Variants in HTR3C observed in about 807,000 individuals in gnomAD.
The protein encoded by HTR3C is 5-HT3-C.
HTR3C carries 32 observed loss-of-function variants against 40.5 expected under a neutral mutation model. The ratio of observed to expected loss-of-function variants is 0.79; its 90% CI spans 0.60 to 1.06. The LOEUF is 1.06. Ranked by LOEUF, HTR3C falls within the 50% of genes least tolerant of loss-of-function variation. The pLI, the probability that HTR3C is intolerant of heterozygous loss-of-function variation, is 0.00. For missense variants in HTR3C, 523 were observed against 556.8 expected (o/e 0.94, Z 0.61); for synonymous variants, 209 against 217.1 (o/e 0.96, Z 0.33).
Position 184,060,402 on chromosome 3 carries a change from C to T in HTR3C, c.*50C>T, listed in dbSNP as rs1255534137. 4 of 1,609,280 alleles carry T rather than the reference C, an allele frequency of 2.5e-6. No individual in the cohort carries two copies. Among genetic ancestry groups the T allele is most frequent in the Non-Finnish European group, 3.4e-6 (4 of 1,175,856 alleles). ...ACAACAGCTTGGAGTTTCTGCTGGT[C>T]TTGGGCCAGCCGGACTCATTTTCCT... On this transcript the variant is annotated 3_prime_UTR_variant, in exon 9 of 9. Coordinates refer to ENST00000318351, the MANE Select transcript of HTR3C (RefSeq NM_130770.3).
chr3:184,053,263 T>C lies in HTR3C; in HGVS notation c.67+116T>C. The C allele has an allele frequency of 4.0e-6, 3 of 748,018 alleles. No homozygotes were observed. In the South Asian group the frequency reaches 4.7e-5, roughly 12 times the overall value. 46.3% of individuals were successfully genotyped at this position (748,018 alleles called of 1,614,324 possible). A position where few individuals can be genotyped will look rare whatever the true frequency, so the allele number is the denominator to read the frequency against. ...TGTGTTAAATATTTCTTCCATAATG[T>C]CTGTGTCCTGATTTCCTTTTGGTGA... On this transcript the variant is annotated intron_variant, in intron 1 of 8. Coordinates refer to ENST00000318351, the MANE Select transcript of HTR3C (RefSeq NM_130770.3).
chr3:184,055,445 G>A, intron 3 of HTR3C, 89 bp downstream of exon 3: 1 of 977,470 alleles, frequency 1.0e-6, no homozygotes, highest in South Asian at 1.3e-5. Flanking sequence ...CAGAAGCAGT[G>A]GCTCACGCCT....
intron 4 of HTR3C, 45 bp downstream of exon 4, chr3:184,056,331 G>C: frequency 1.5e-6 from 2 of 1,335,238 alleles, no homozygotes; most frequent in South Asian, 1.2e-5. Context: ...CTCATCTGCC[G>C]AGAACAGCCT....
chr3:184,059,323 A>T (rs1723393382), intron 6 of HTR3C, 113 bp from the exon 7 acceptor site: 1 of 882,436 alleles, frequency 1.1e-6, no homozygotes, highest in Non-Finnish European at 1.8e-6. Flanking sequence ...AGTGTTACTT[A>T]AAAAGATCGT....
At chr3:184,059,665 G>A (rs1467239384) in intron 7 of HTR3C, 25 bp downstream of exon 7, 2 of 1,612,912 alleles carry the variant, frequency 1.2e-6, no homozygotes, top group African/African-American at 1.3e-5. Context: ...ACTTTCAGGA[G>A]GAGAAAGGGC....
At chr3:184,055,208 A>C in intron 2 of HTR3C, 104 bp from the exon 3 acceptor site, 1 of 832,536 alleles carries the variant, frequency 1.2e-6, no homozygotes, top group Non-Finnish European at 2.1e-6. Context: ...AGCATCTACA[A>C]CAATGCCTGG....
In HTR3C at chr3:184,056,230, TA is replaced by T; in HGVS notation, c.336del (p.Lys112AsnfsTer5). The T allele has an allele frequency of 5.6e-6, 9 of 1,614,014 alleles. No homozygotes were observed. Among genetic ancestry groups the T allele is most frequent in the Non-Finnish European group, 7.6e-6 (9 of 1,179,900 alleles). ...WNPKECVGIN[K>X]LTVLAENLWL... The stretch of plus-strand genomic sequence containing the variant: ...ACCCAAAAGAGTGTGTTGGCATCAA[TA>T]AACTCACAGTATTAGCTGAAAACCT... On this transcript the variant is annotated frameshift_variant, in exon 4 of 9. Transcript: ENST00000318351. LOFTEE classifies it high-confidence loss of function.
intron 5 of HTR3C, 23 bp downstream of exon 5, chr3:184,057,067 G>T (rs1462604854): frequency 6.6e-7 from 1 of 1,526,388 alleles, no homozygotes. Context: ...CATTTTGGTA[G>T]CTGTTTAAGA....
At chr3:184,059,401 C>T (rs374654829) in intron 6 of HTR3C, 35 bp from the exon 7 acceptor site, 25 of 1,588,114 alleles carry the variant, frequency 1.6e-5, no homozygotes, top group Non-Finnish European at 1.9e-5. Context: ...CCTCTGACAT[C>T]TATTTATTTG....
At position 184,056,948 on chromosome 3, in the gene HTR3C, C is replaced by A. The variant is rs1253724457; in HGVS notation, c.463C>A (p.Pro155Thr). The change falls in exon 5 of 9, where the codon CCA (proline) becomes ACA (threonine). Residue 155 changes from proline to threonine, a missense_variant. By Grantham distance (38) the Pro-to-Thr change is conservative. Transcript: ENST00000318351. ...TGAAGGTCGAATTAAGTATGATAAG[C>A]CAATGAGGGTGACCAGCATCTGTAA... The part of the protein sequence containing the change: ...SSEGRIKYDK[P>T]MRVTSICNLD... 5.6e-6 allele frequency: 9 copies of A among 1,613,430 alleles called. No individual in the cohort carries two copies. Among genetic ancestry groups the A allele is most frequent in the Middle Eastern group, 1.6e-4 (1 of 6,080 alleles).
chr3:184,054,741 A>G lies in HTR3C; in HGVS notation c.88A>G (p.Ile30Val), dbSNP rs766506234. ...TATAGGAAGAGGCGACGCTTTTACC[A>G]TCAATTGCTCAGGCTTTGACCAGCA... Reference protein sequence around the residue: ...LLQGRGDAFTINCSGFDQHGV... With the variant: ...LLQGRGDAFTVNCSGFDQHGV... The change falls in exon 2 of 9, where the codon ATC becomes GTC. Residue 30 changes from isoleucine (I) to valine (V), a missense_variant. By Grantham distance (29) the Ile-to-Val change is conservative (BLOSUM62 3). Coordinates refer to ENST00000318351, the MANE Select transcript of HTR3C (RefSeq NM_130770.3). 6.2e-7 allele frequency: 1 copy of G among 1,602,290 alleles called. No homozygotes were observed. The highest frequency in any genetic ancestry group is 8.5e-7 in the Non-Finnish European group (1 of 1,175,584).
chr3:184,058,859 G>A (rs1351974124), intron 6 of HTR3C, among the ~76,000 whole-genome samples: 2 of 152,124 alleles, frequency 1.3e-5, no homozygotes, highest in Non-Finnish European at 2.9e-5. Context: ...CCAGCTACTC[G>A]GGAGGTTGAG....
chr3:184,058,483 C>T lies in HTR3C; in HGVS notation c.616C>T (p.Arg206Cys). Residue 206 changes from arginine (R) to cysteine (C), a missense_variant, in exon 6 of 9, where the codon CGC (arginine) becomes TGC (cysteine). Physicochemically the swap from Arg to Cys is radical, Grantham distance 180. Transcript: ENST00000318351. ...KEVWEITDTS[R>C]KVIQTQGEWE... Reference sequence around the variant, plus strand: ...GGTGTGGGAGATCACAGACACGTCTCGCAAAGTCATCCAAACCCAGGGGGA... The same window carrying T: ...GGTGTGGGAGATCACAGACACGTCTTGCAAAGTCATCCAAACCCAGGGGGA... 10 of 1,613,460 alleles carry T rather than the reference C, an allele frequency of 6.2e-6. No individual in the cohort carries two copies. The highest frequency in any genetic ancestry group is 2.2e-5 in the East Asian group (1 of 44,788).
chr3:184,056,393 C>T (rs1009173675), intron 4 of HTR3C, 107 bp downstream of exon 4: 13 of 746,780 alleles, frequency 1.7e-5, no homozygotes, highest in Non-Finnish European at 2.8e-5. Flanking sequence ...GGCACACAGT[C>T]TCAACGAACT....
At chr3:184,058,159 A>C (rs919289731) in intron 5 of HTR3C, among the ~76,000 whole-genome samples, 1 of 152,210 alleles carries the variant, frequency 6.6e-6, no homozygotes, top group Admixed American at 6.5e-5. Context: ...AATGACTCCA[A>C]AAGTTCTTGA....
Position 184,055,352 on chromosome 3 carries a change from A to G in HTR3C, c.275A>G (p.Asp92Gly). ...CTGCTGACATCATTCCTGTGGATGG[A>G]TTTGGTAAGGCAGATTCAACTATCT... ...LQLLTSFLWM[D>G]LVWDNPFINW... The change falls in exon 3 of 9, where the codon GAT becomes GGT. Residue 92 changes from aspartate (D) to glycine (G), a missense_variant. By Grantham distance (94) the Asp-to-Gly change is moderately conservative. Transcript: ENST00000318351. The G allele has an allele frequency of 1.2e-6, 2 of 1,604,620 alleles. No homozygotes were observed. Among genetic ancestry groups the G allele is most frequent in the Non-Finnish European group, 1.7e-6 (2 of 1,171,328 alleles).
chr3:184,058,094 GC>G (rs774389425), intron 5 of HTR3C, among the ~76,000 whole-genome samples: 142 of 152,266 alleles, frequency 9.3e-4, no homozygotes, highest in Admixed American at 1.4e-3. Flanking sequence ...AGCTATTCAA[GC>G]TTGATTCCAC....
At chr3:184,057,074 A>C in intron 5 of HTR3C, 30 bp downstream of exon 5, 2 of 1,476,516 alleles carry the variant, frequency 1.4e-6, no homozygotes, top group Non-Finnish European at 1.8e-6. Context: ...GTAGCTGTTT[A>C]AGATTCAGGG....
At position 184,054,904 on chromosome 3, in the gene HTR3C, G is replaced by T. The variant is rs202223050; in HGVS notation, c.234+17G>T. The T allele has an allele frequency of 6.3e-7, 1 of 1,582,040 alleles. No homozygotes were observed. The highest frequency in any genetic ancestry group is 1.4e-5 in the African/African-American group (1 of 73,954). On this transcript the variant is annotated intron_variant, in intron 2 of 8. Coordinates refer to ENST00000318351, the MANE Select transcript of HTR3C (RefSeq NM_130770.3). ...CTGGGAGTGGTGAGACTTAGTCCCT[G>T]CATCTTTTCCATGGCTTCTAATAAG...
Sources: allele counts gnomAD v4.1 joint callset (sites outside exome capture counted in the v4.1 genomes callset), GRCh38; gene constraint gnomAD v4.1.1; transcripts MANE v1.5; gene names NCBI Gene and HGNC (gene_info 2026-07-23, HGNC 2026-07-21).